The following GRAMD1A variants were observed in gnomAD, a reference collection of about 807,000 sequenced individuals.
The protein encoded by GRAMD1A is GRAM domain containing 1A.
In GRAMD1A, 50 loss-of-function variants were observed where a neutral mutation model predicts 92.0. The ratio of observed to expected loss-of-function variants is 0.54; its 90% CI spans 0.43 to 0.69. The LOEUF is 0.69. Ranked by LOEUF, GRAMD1A falls within the 30% of genes least tolerant of loss-of-function variation. GRAMD1A has a pLI of 0.00. For synonymous variants in GRAMD1A, 405 were observed against 403.6 expected, an observed-to-expected ratio of 1.00 and a Z score of -0.04; for missense variants, 819 against 978.9, an observed-to-expected ratio of 0.84 and a Z score of 2.18.
Position 35,011,313 on chromosome 19 carries a change from G to A in GRAMD1A, c.526-161G>A, listed in dbSNP as rs138102375. On this transcript the variant is annotated intron_variant, in intron 6 of 19. Coordinates refer to ENST00000317991, the MANE Select transcript of GRAMD1A (RefSeq NM_020895.5). ...TTCTGGAATTGTCCAGGGCAGGGCC[G>A]GGCGCAGGACAGACGTTTTGTGGAA... Among the ~76,000 whole-genome samples, 1,405 of 152,268 alleles carry A rather than the reference G, an allele frequency of 9.2e-3. 23 individuals carry two copies. The highest frequency in any genetic ancestry group is 0.032 in the African/African-American group (1,309 of 41,542).
intron 1 of GRAMD1A, among the ~76,000 whole-genome samples, chr19:35,004,719 C>T (rs1417124494): frequency 6.6e-6 from 1 of 152,078 alleles, no homozygotes; most frequent in Non-Finnish European, 1.5e-5. Context: ...CTGTCAGGGT[C>T]AGCAGAGCGT....
upstream of GRAMD1A, among the ~76,000 whole-genome samples, chr19:34,997,030 C>T (rs957693748): frequency 1.3e-5 from 2 of 152,040 alleles, no homozygotes; most frequent in Admixed American, 6.6e-5. Flanking sequence ...TTGCTCCCCC[C>T]TCCACCCAGC....
chr19:35,011,415 C>A, intron 6 of GRAMD1A, 59 bp from the exon 7 acceptor site: 9 of 1,311,018 alleles, frequency 6.9e-6, no homozygotes, highest in Non-Finnish European at 9.9e-6. Flanking sequence ...CGCTTCCCCA[C>A]CTCTGTCCTG....
At chr19:35,011,612 AG>A in intron 7 of GRAMD1A, 58 bp downstream of exon 7, 1 of 1,257,440 alleles carries the variant, frequency 8.0e-7, no homozygotes, top group South Asian at 1.2e-5. Context: ...CCATGGAGCC[AG>A]GGACCCCAGA....
chr19:35,023,202 C>T (rs1442681900), intron 17 of GRAMD1A, 34 bp from the exon 18 acceptor site: 4 of 1,494,956 alleles, frequency 2.7e-6, no homozygotes, highest in Non-Finnish European at 3.7e-6. Flanking sequence ...GCATCTAGAC[C>T]CCAGGAATCC....
Position 35,000,470 on chromosome 19 carries a change from G to A in GRAMD1A, c.-9G>A. ...CCTGCGCCCGGGGCGCGCCCACCGC[G>A]CCGCATCCATGTTCGAGTAAGGACC... On this transcript the variant is annotated 5_prime_UTR_variant, in exon 1 of 20. Transcript: ENST00000317991. The surrounding 1 kb of genome is among the most constrained non-coding windows in gnomAD (Gnocchi z 4.9). 1 of 1,263,038 alleles carries A rather than the reference G, an allele frequency of 7.9e-7. No individual in the cohort carries two copies. 78.2% of individuals were successfully genotyped at this position (1,263,038 alleles called of 1,614,324 possible).
At position 35,026,053 on chromosome 19, in the gene GRAMD1A, A is replaced by C. The variant is rs779944486; in HGVS notation, c.2087A>C (p.Lys696Thr). 1 of 1,577,496 alleles carries C rather than the reference A, an allele frequency of 6.3e-7. No homozygotes were observed. Among genetic ancestry groups the C allele is most frequent in the Admixed American group, 1.7e-5 (1 of 59,980 alleles). ...CTGCTCACCTCCTCCCCGCAGATGA[A>C]GTTCTCGCTGGAGAAGCTGCACCAA... ...RASVELLDEM[K>T]FSLEKLHQGI... Residue 696 changes from lysine to threonine, a missense_variant, in exon 20 of 20, where the codon AAG becomes ACG. By Grantham distance (78) the Lys-to-Thr change is moderately conservative. Around this residue, in one of 3 missense-constraint regions of GRAMD1A, gnomAD observed 577 missense variants for 674.6 expected, o/e 0.86. Coordinates refer to ENST00000317991, the MANE Select transcript of GRAMD1A (RefSeq NM_020895.5).
At chr19:35,019,678 A>G in intron 13 of GRAMD1A, 145 bp downstream of exon 13, 1 of 790,276 alleles carries the variant, frequency 1.3e-6, no homozygotes, top group Non-Finnish European at 2.1e-6. Context: ...TCCTCCGAAT[A>G]GTGGAGGGTA....
intron 1 of GRAMD1A, among the ~76,000 whole-genome samples, chr19:35,007,228 T>A (rs2014885813): frequency 6.6e-6 from 1 of 152,070 alleles, no homozygotes; most frequent in Non-Finnish European, 1.5e-5. Flanking sequence ...CTGGAGGTGA[T>A]GGAGGCTGGA....
rs767102367 is a variant in GRAMD1A at position 35,014,194 on chromosome 19, G to C, written c.876G>C (p.Glu292Asp). The C allele has an allele frequency of 3.1e-6, 5 of 1,613,106 alleles. No individual in the cohort carries two copies. The South Asian group carries it at 4.4e-5, about 14-fold the overall frequency. Reference protein sequence around the residue: ...RASSDADHGAEEDKEEQVDSQ... With the variant: ...RASSDADHGADEDKEEQVDSQ... ...CATCGGGCCTTTCTCCACAGGCAGAGGAGGACAAGGAGGAGCAGGTAGACA... is the reference window on the plus strand; with the variant it reads ...CATCGGGCCTTTCTCCACAGGCAGACGAGGACAAGGAGGAGCAGGTAGACA... Residue 292 changes from glutamate (E) to aspartate (D), a missense_variant, in exon 10 of 20, where the codon GAG becomes GAC. Physicochemically the swap from Glu to Asp is conservative, Grantham distance 45. Coordinates refer to ENST00000317991, the MANE Select transcript of GRAMD1A (RefSeq NM_020895.5).
At chr19:35,017,954 G>T (rs2151727168) in intron 11 of GRAMD1A, among the ~76,000 whole-genome samples, 1 of 152,134 alleles carries the variant, frequency 6.6e-6, no homozygotes, top group South Asian at 2.1e-4. Flanking sequence ...TGACAGAGTG[G>T]ACATTAAATT....
intron 1 of GRAMD1A, among the ~76,000 whole-genome samples, chr19:35,005,376 G>A (rs376389966): frequency 6.6e-6 from 1 of 152,058 alleles, no homozygotes; most frequent in South Asian, 2.1e-4. Context: ...ACCTGAGGGA[G>A]GTGGGGGAGC....
At chr19:35,007,435 A>G (rs1179999253) in intron 1 of GRAMD1A, among the ~76,000 whole-genome samples, 4 of 152,160 alleles carry the variant, frequency 2.6e-5, no homozygotes, top group African/African-American at 7.2e-5. Flanking sequence ...GCGGGTGCCT[A>G]TGATCCCAGC....
rs1305970923 is a variant in GRAMD1A, at chr19:35,026,396, G to A, written c.*255G>A. 6 of 556,486 alleles carry A rather than the reference G, an allele frequency of 1.1e-5. No individual in the cohort carries two copies. The highest frequency in any genetic ancestry group is 2.9e-5 in the East Asian group (1 of 34,646). The allele number at this position is 556,486 out of a possible 1,614,324, so 34.5% of individuals were successfully genotyped here. A position where few individuals can be genotyped will look rare whatever the true frequency, so the allele number is the denominator to read the frequency against. ...GTGGGGGGCGCCTCCTGGGGTGCAC[G>A]ATTCCCTCAGCTCTGGGTTTAATGT... is the stretch of plus-strand genomic sequence containing the variant. On this transcript the variant is annotated 3_prime_UTR_variant, in exon 20 of 20. Coordinates refer to ENST00000317991, the MANE Select transcript of GRAMD1A (RefSeq NM_020895.5).
Position 35,021,532 on chromosome 19 carries a change from G to A in GRAMD1A, c.1506G>A (p.Gln502=), listed in dbSNP as rs775213631. ...CTTCTGAGATCCGCTACCGAAAGCA[G>A]CCGTGGAGCCTGGTGAAGTCGCTCA... ...RVSSEIRYRK[Q]PWSLVKSLIE... Residue 502 remains glutamine (Q), a synonymous_variant, in exon 14 of 20, where the codon CAG becomes CAA. Transcript: ENST00000317991. The surrounding 1 kb of genome is among the most constrained non-coding windows in gnomAD (Gnocchi z 5.3). 6.2e-7 allele frequency: 1 copy of A among 1,614,188 alleles called. No individual in the cohort carries two copies. The highest frequency in any genetic ancestry group is 1.1e-5 in the South Asian group (1 of 91,092).
Position 35,014,186 on chromosome 19 carries a change from C to G in GRAMD1A, c.871-3C>G. 3 of 1,612,738 alleles carry G rather than the reference C, an allele frequency of 1.9e-6. 1 individual carries two copies. ...CAAGGCTGCATCGGGCCTTTCTCCACAGGCAGAGGAGGACAAGGAGGAGCA... is the reference window on the plus strand; with the variant it reads ...CAAGGCTGCATCGGGCCTTTCTCCAGAGGCAGAGGAGGACAAGGAGGAGCA... On this transcript the variant is annotated splice_region_variant and splice_polypyrimidine_tract_variant and intron_variant, in intron 9 of 19. Transcript: ENST00000317991.
intron 6 of GRAMD1A, among the ~76,000 whole-genome samples, chr19:35,011,269 C>G (rs1293931047): frequency 6.6e-6 from 1 of 152,134 alleles, no homozygotes; most frequent in African/African-American, 2.4e-5. Context: ...GGCCAGGGGT[C>G]GTCTCCCCAT....
intron 1 of GRAMD1A, among the ~76,000 whole-genome samples, chr19:35,008,715 G>C (rs1400064425): frequency 6.6e-6 from 1 of 152,128 alleles, no homozygotes; most frequent in Non-Finnish European, 1.5e-5. Flanking sequence ...TACTTGGGAG[G>C]CTAAGGCAGG....
At position 35,013,697 on chromosome 19, in the gene GRAMD1A, C is replaced by T. The variant is rs372010823; in HGVS notation, c.870+6C>T. On this transcript the variant is annotated splice_donor_region_variant and intron_variant, in intron 9 of 19. Coordinates refer to ENST00000317991, the MANE Select transcript of GRAMD1A (RefSeq NM_020895.5). This position sits in a 1 kb window ranked among gnomAD's most constrained non-coding sequence, Gnocchi z 4.9. ...GCAGCGACGCAGACCATGGGGTGAG[C>T]GGTGGGTTGGAAGAGGGGTGGGATA... 327 of 1,599,956 alleles carry T rather than the reference C, an allele frequency of 2.0e-4. 3 individuals carry two copies. In the East Asian group the frequency reaches 5.2e-3, roughly 25 times the overall value.
Sources: allele counts gnomAD v4.1 joint callset (sites outside exome capture counted in the v4.1 genomes callset), GRCh38; gene constraint gnomAD v4.1.1; regional missense constraint gnomAD v4.1.1; non-coding constraint Gnocchi (gnomAD v3.1); transcripts MANE v1.5; gene names NCBI Gene and HGNC (gene_info 2026-07-23, HGNC 2026-07-21).